The following PABIR3 variants were observed in gnomAD, a reference collection of about 807,000 sequenced individuals.
PABIR3 encodes PABIR family member 3.
Under a neutral mutation model 23.1 loss-of-function variants are expected in PABIR3, and 20 were observed. That is an observed-to-expected ratio of 0.86 (90% CI 0.61 to 1.26). The LOEUF (loss-of-function observed/expected upper bound fraction) is 1.26, where lower values mean the gene tolerates loss of function less well. PABIR3 is among the 50% of genes most tolerant of loss of function. The probability of loss-of-function intolerance (pLI) is 0.00; values close to 1 mark genes in which losing one functional copy is unlikely to be tolerated. For synonymous variants in PABIR3, 69 were observed against 68.5 expected (o/e 1.01, Z -0.04); for missense variants, 189 against 195.4 (o/e 0.97, Z 0.20).
chrX:134,861,591 G>A, the PABIR3 span, among the ~76,000 whole-genome samples: 11 of 101,693 alleles, frequency 1.1e-4, no homozygotes, highest in African/African-American at 3.6e-4. Context: ...GGAGAATGGG[G>A]TGAACCCAGG....
chrX:134,828,107 A>G (rs2081607353), intron 3 of PABIR3, among the ~76,000 whole-genome samples: 1 of 96,448 alleles, frequency 1.0e-5, no homozygotes, highest in Non-Finnish European at 2.0e-5. Context: ...CATCTTGCTT[A>G]GGCTGGTCTT....
Position 134,854,095 on chromosome X carries a change from C to T in PABIR3, c.691C>T (p.Leu231Phe), listed in dbSNP as rs753392322. 18 of 1,208,999 alleles carry T rather than the reference C, an allele frequency of 1.5e-5. No individual in the cohort carries two copies. In the South Asian group the frequency reaches 2.7e-4, roughly 18 times the overall value. Residue 231 changes from leucine (L) to phenylalanine (F), a missense_variant, in exon 11 of 11, where the codon CTT becomes TTT. By Grantham distance (22) the Leu-to-Phe change is conservative (BLOSUM62 0). Transcript: ENST00000645433. Reference sequence around the variant, plus strand: ...AGTGGCATTTTCTTCTTCTAGTCTACTTCCAGCTACTTTTGATGGAAACGA... The same window carrying T: ...AGTGGCATTTTCTTCTTCTAGTCTATTTCCAGCTACTTTTGATGGAAACGA... ...SQLSENNVYL[L>F]PATFDGNDSN...
the PABIR3 span, among the ~76,000 whole-genome samples, chrX:134,862,302 A>T: frequency 9.2e-6 from 1 of 108,529 alleles, no homozygotes; most frequent in Non-Finnish European, 1.9e-5. Flanking sequence ...AGCACCCGCC[A>T]CCAAACCCGG....
chrX:134,829,358 T>A, intron 4 of PABIR3, 76 bp downstream of exon 4: 2 of 849,676 alleles, frequency 2.4e-6, no homozygotes, highest in Non-Finnish European at 3.4e-6. Context: ...AATACCTATG[T>A]TTCAGTAATT....
At chrX:134,828,037 C>CTA (rs1420655254) in intron 3 of PABIR3, among the ~76,000 whole-genome samples, 329 of 72,756 alleles carry the variant, frequency 4.5e-3, no homozygotes, top group Non-Finnish European at 6.9e-3. Context: ...CTCTCTCTCT[C>CTA]TCTCTCTCTC....
upstream of PABIR3, chrX:134,807,067 G>A (rs913638780): frequency 3.7e-6 from 2 of 541,461 alleles, no homozygotes; most frequent in Non-Finnish European, 4.5e-6. Context: ...GGCAGGACAT[G>A]GGGATAAAGC....
chrX:134,807,605 C>T lies in PABIR3; in HGVS notation c.7C>T (p.Gln3Ter). Residue 3 changes from glutamine (Q) to a stop codon, truncating the protein, a stop_gained, in exon 2 of 11, where the codon CAG becomes TAG. Coordinates refer to ENST00000645433, the MANE Select transcript of PABIR3 (RefSeq NM_001388447.1). LOFTEE classifies it high-confidence loss of function. MA[Q>*]EKMKLGFKSL... is the part of the protein sequence containing the mutation. The stretch of plus-strand genomic sequence containing the variant: ...CTTATTCCTCGACCCGGACATGGCA[C>T]AGGAGAAAATGAAACTAGGTTTCAA... The T allele has an allele frequency of 8.3e-7, 1 of 1,210,748 alleles. No homozygotes were observed. The highest frequency in any genetic ancestry group is 3.0e-5 in the East Asian group (1 of 33,809).
intron 4 of PABIR3, among the ~76,000 whole-genome samples, chrX:134,837,208 T>G (rs1279283827): frequency 1.8e-5 from 2 of 109,882 alleles, no homozygotes; most frequent in East Asian, 5.7e-4. Flanking sequence ...TAGCCAGACC[T>G]GGTGAGGCAT....
chrX:134,845,944 ACT>A (rs2082417923), intron 6 of PABIR3, among the ~76,000 whole-genome samples: 1 of 111,132 alleles, frequency 9.0e-6, no homozygotes, highest in Non-Finnish European at 1.9e-5. Context: ...CAGACAATAG[ACT>A]CTCTAGAAAA....
chrX:134,842,928 C>T (rs775007228), intron 4 of PABIR3, among the ~76,000 whole-genome samples: 5 of 107,940 alleles, frequency 4.6e-5, no homozygotes, highest in East Asian at 5.9e-4. Flanking sequence ...TTTGGCCGGG[C>T]GCCATGGCTC....
intron 4 of PABIR3, among the ~76,000 whole-genome samples, chrX:134,840,743 T>C (rs1468155466): frequency 1.8e-5 from 2 of 110,941 alleles, no homozygotes; most frequent in African/African-American, 6.6e-5. Context: ...CCTGTAAAAC[T>C]GGCCCTGTCT....
chrX:134,824,692 C>T (rs1240318203), intron 3 of PABIR3, among the ~76,000 whole-genome samples: 7 of 111,029 alleles, frequency 6.3e-5, no homozygotes, highest in African/African-American at 2.3e-4. Flanking sequence ...CCCAGCTACT[C>T]GGGAGGCTGA....
upstream of PABIR3, among the ~76,000 whole-genome samples, chrX:134,805,358 T>TA (rs1304679940): frequency 8.9e-6 from 1 of 112,432 alleles, no homozygotes; most frequent in East Asian, 2.8e-4. Context: ...TAGCTATTAC[T>TA]AATCTGTCTT....
chrX:134,843,778 A>G (rs1417201292), intron 4 of PABIR3, among the ~76,000 whole-genome samples: 2 of 109,034 alleles, frequency 1.8e-5, no homozygotes, highest in Non-Finnish European at 3.8e-5. Flanking sequence ...CATGTTAGCC[A>G]GGATGGTCTC....
Position 134,807,598 on chromosome X carries a change from C to T in PABIR3, c.-1C>T. On this transcript the variant is annotated 5_prime_UTR_variant, in exon 2 of 11. Coordinates refer to ENST00000645433, the MANE Select transcript of PABIR3 (RefSeq NM_001388447.1). ...TTGAGAACTTATTCCTCGACCCGGA[C>T]ATGGCACAGGAGAAAATGAAACTAG... The T allele has an allele frequency of 8.3e-7, 1 of 1,210,793 alleles. No homozygotes were observed. Among genetic ancestry groups the T allele is most frequent in the Non-Finnish European group, 1.1e-6 (1 of 894,978 alleles).
intron 3 of PABIR3, among the ~76,000 whole-genome samples, chrX:134,823,623 T>C (rs1355732052): frequency 1.8e-5 from 2 of 111,802 alleles, no homozygotes; most frequent in Admixed American, 1.9e-4. Context: ...AATGTATACA[T>C]GTACACATAT....
At chrX:134,800,566 C>T (rs995215087) in intron 1 of PABIR3, among the ~76,000 whole-genome samples, 3 of 111,311 alleles carry the variant, frequency 2.7e-5, no homozygotes, top group Non-Finnish European at 5.7e-5. Context: ...CCGAGGTGGG[C>T]GGATCACAAG....
At chrX:134,802,731 T>C (rs2080099325), upstream of PABIR3, among the ~76,000 whole-genome samples, 1 of 112,973 alleles carries the variant, frequency 8.9e-6, no homozygotes. Context: ...TCTTCCCTTC[T>C]AGGCAAGGCA....
intron 3 of PABIR3, chrX:134,822,615 T>G: frequency 4.0e-6 from 3 of 750,090 alleles, no homozygotes; most frequent in African/African-American, 2.3e-5. Context: ...TTCCCATCCC[T>G]TAGGTATAAA....
Sources: gnomAD v4.1 joint callset for allele counts (sites outside exome capture counted in the v4.1 genomes callset) on GRCh38, gnomAD v4.1.1 for gene constraint, MANE v1.5 for transcripts, NCBI Gene and HGNC (gene_info 2026-07-23, HGNC 2026-07-21) for gene names.